The following GRINA variants were observed in gnomAD, a reference collection of about 807,000 sequenced individuals.
The protein encoded by GRINA is glutamate ionotropic receptor NMDA type subunit associated protein 1.
In GRINA, 26 loss-of-function variants were observed where a neutral mutation model predicts 42.5. The ratio of observed to expected loss-of-function variants is 0.61; its 90% confidence interval spans 0.45 to 0.85. GRINA has a LOEUF of 0.85. GRINA is among the 40% of genes least tolerant of loss of function. The pLI is 0.00. For missense variants in GRINA, 475 were observed against 481.5 expected (o/e 0.99, Z 0.13); for synonymous variants, 256 against 204.2 (o/e 1.25, Z -2.17).
Position 143,992,921 on chromosome 8 carries a change from C to G in GRINA, c.*80C>G, listed in dbSNP as rs1834125571. The G allele has an allele frequency of 8.2e-7, 1 of 1,217,150 alleles. No individual in the cohort carries two copies. Among genetic ancestry groups the G allele is most frequent in the African/African-American group, 1.5e-5 (1 of 66,990 alleles). 75.4% of individuals were successfully genotyped at this position (1,217,150 alleles called of 1,614,324 possible). A position where few individuals can be genotyped will look rare whatever the true frequency, so the allele number is the denominator to read the frequency against. On this transcript the variant is annotated 3_prime_UTR_variant, in exon 7 of 7. Transcript: ENST00000395068. The stretch of plus-strand genomic sequence containing the variant: ...CCCTGGCACGGCAGTGCCAGCTGTA[C>G]TTCCCCTCTCTCTTGTCCCCAGGCA...
intron 4 of GRINA, 61 bp downstream of exon 4, chr8:143,992,139 C>G: frequency 6.2e-7 from 1 of 1,602,298 alleles, no homozygotes; most frequent in Non-Finnish European, 8.5e-7. Flanking sequence ...CACGCCCACT[C>G]TTCCGGGCCT....
rs1164701597 is a variant in GRINA, at chr8:143,992,560, C to T, written c.918C>T (p.Arg306=). 1 of 1,614,082 alleles carries T rather than the reference C, an allele frequency of 6.2e-7. No homozygotes were observed. The highest frequency in any genetic ancestry group is 1.3e-5 in the African/African-American group (1 of 74,938). Residue 306 remains arginine (R), a synonymous_variant, in exon 6 of 7, where the codon CGC becomes CGT. Coordinates refer to ENST00000395068, the MANE Select transcript of GRINA (RefSeq NM_001009184.2). The part of the protein sequence containing the change: ...FAILCIFIRN[R]ILEIVYASLG... Reference sequence around the variant, plus strand: ...TTCTCTGCATCTTCATCCGGAACCGCATCCTGGAGATCGTGTACGCCTCAC... The same window carrying T: ...TTCTCTGCATCTTCATCCGGAACCGTATCCTGGAGATCGTGTACGCCTCAC...
intron 5 of GRINA, 22 bp from the exon 6 acceptor site, chr8:143,992,443 C>A (rs1386197722): frequency 4.3e-6 from 7 of 1,613,822 alleles, no homozygotes; most frequent in Admixed American, 1.7e-5. Flanking sequence ...AGCCCCATGG[C>A]CCGTTCCTCT....
Position 143,993,259 on chromosome 8 carries a change from C to T in GRINA, c.*418C>T. 4.2e-6 allele frequency: 1 copy of T among 236,730 alleles called. No homozygotes were observed. The highest frequency in any genetic ancestry group is 8.4e-6 in the Non-Finnish European group (1 of 118,586). The allele number at this position is 236,730 out of a possible 1,614,324, so 14.7% of individuals were successfully genotyped here. On this transcript the variant is annotated 3_prime_UTR_variant, in exon 7 of 7. Transcript: ENST00000395068. ...AGAGCACCCCTCCCCTCCCCCCCAC[C>T]CCCCTGGAGTGCTGCCCTCTGGGGA...
Position 143,992,599 on chromosome 8 carries a change from C to A in GRINA, c.957C>A (p.Leu319=). ...TGTACGCCTCACTGGGCGCTCTGCT[C>A]TTCACCTGCGTGAGTGAGGGGTGAC... The part of the protein sequence containing the change: ...EIVYASLGAL[L]FTCFLAVDTQ... Residue 319 remains leucine (L), a synonymous_variant, in exon 6 of 7, where the codon CTC becomes CTA. Transcript: ENST00000395068. The A allele has an allele frequency of 6.2e-7, 1 of 1,614,150 alleles. No homozygotes were observed. Among genetic ancestry groups the A allele is most frequent in the Non-Finnish European group, 8.5e-7 (1 of 1,180,024 alleles).
rs1294305300 is a variant in GRINA, at chr8:143,990,088, C to G, written c.-136C>G. ...CCCGCTGCGTCTTCCGAGCCGCAGG[C>G]GCAGGCCCAGCTGAGCGGCCGCCGA... On this transcript the variant is annotated 5_prime_UTR_variant, in exon 1 of 7. Transcript: ENST00000395068. This position sits in a 1 kb window ranked among gnomAD's most constrained non-coding sequence, Gnocchi z 5.6. The G allele has an allele frequency of 6.6e-6, 1 of 151,152 alleles. No individual in the cohort carries two copies. The highest frequency in any genetic ancestry group is 6.6e-5 in the Admixed American group (1 of 15,196). The allele number at this position is 151,152 out of a possible 1,614,324, so 9.4% of individuals were successfully genotyped here.
chr8:143,991,082 G>A (rs1554750339), intron 1 of GRINA, 118 bp from the exon 2 acceptor site: 2 of 597,416 alleles, frequency 3.3e-6, no homozygotes, highest in South Asian at 2.3e-5. Context: ...CGGGGCAAAG[G>A]TCACGGTCTT....
Position 143,990,971 on chromosome 8 carries a change from C to T in GRINA, c.-24-229C>T, listed in dbSNP as rs1370113156. On this transcript the variant is annotated intron_variant, in intron 1 of 6. Transcript: ENST00000395068. The surrounding 1 kb of genome is among the most constrained non-coding windows in gnomAD (Gnocchi z 5.6). ...GTCGTCCCCTCGCCCGGCCCCTCCC[C>T]CACCCTAAAGGCGGCCTAGAGCCCT... The T allele has an allele frequency of 6.8e-6, 2 of 296,258 alleles. No individual in the cohort carries two copies. Among genetic ancestry groups the T allele is most frequent in the African/African-American group, 4.4e-5 (2 of 45,920 alleles). The allele number at this position is 296,258 out of a possible 1,614,324, so 18.4% of individuals were successfully genotyped here.
In GRINA at chr8:143,992,010, A is replaced by T. The variant is rs781934309; in HGVS notation, c.625A>T (p.Ile209Phe). 1.4e-5 allele frequency: 23 copies of T among 1,613,746 alleles called. No homozygotes were observed. Among genetic ancestry groups the T allele is most frequent in the Non-Finnish European group, 1.9e-5 (22 of 1,179,932 alleles). ...TYYVSYAVFFISLIVLSCCGD... is the reference protein window; with the variant it reads ...TYYVSYAVFFFSLIVLSCCGD... ...CTATGTCTCCTATGCTGTCTTCTTCATCTCTCTCATCGTCCTCAGCTGTTG... is the reference window on the plus strand; with the variant it reads ...CTATGTCTCCTATGCTGTCTTCTTCTTCTCTCTCATCGTCCTCAGCTGTTG... The change falls in exon 4 of 7, where the codon ATC becomes TTC. Residue 209 changes from isoleucine (I) to phenylalanine (F), a missense_variant. Around this residue, in one of 2 missense-constraint regions of GRINA, gnomAD observed 321 missense variants for 267.2 expected, o/e 1.20. Transcript: ENST00000395068.
chr8:143,993,192 G>A lies in GRINA; in HGVS notation c.*351G>A. On this transcript the variant is annotated 3_prime_UTR_variant, in exon 7 of 7. Transcript: ENST00000395068. Reference sequence around the variant, plus strand: ...GAGAGGGATTGAGCCAAGAGGTGAGGGTGCACGTCTTCCCTCCTGTCCCAG... The same window carrying A: ...GAGAGGGATTGAGCCAAGAGGTGAGAGTGCACGTCTTCCCTCCTGTCCCAG... The A allele has an allele frequency of 3.4e-6, 1 of 298,066 alleles. No individual in the cohort carries two copies. Among genetic ancestry groups the A allele is most frequent in the Non-Finnish European group, 6.5e-6 (1 of 154,612 alleles). 18.5% of individuals were successfully genotyped at this position (298,066 alleles called of 1,614,324 possible).
Position 143,992,383 on chromosome 8 carries a change from C to G in GRINA, c.822+10C>G. 2 of 1,607,396 alleles carry G rather than the reference C, an allele frequency of 1.2e-6. No individual in the cohort carries two copies. The highest frequency in any genetic ancestry group is 1.7e-6 in the Non-Finnish European group (2 of 1,175,190). ...CATCTTCTCCATGCAGGTGAGGGGC[C>G]TCCCGTGGCTGGGCTGTGGCCGCAG... On this transcript the variant is annotated intron_variant, in intron 5 of 6. Transcript: ENST00000395068.
chr8:143,992,382 C>T lies in GRINA; in HGVS notation c.822+9C>T, dbSNP rs782197301. On this transcript the variant is annotated intron_variant, in intron 5 of 6. Transcript: ENST00000395068. ...TCATCTTCTCCATGCAGGTGAGGGG[C>T]CTCCCGTGGCTGGGCTGTGGCCGCA... 1.2e-6 allele frequency: 2 copies of T among 1,606,698 alleles called. No homozygotes were observed. Among genetic ancestry groups the T allele is most frequent in the Non-Finnish European group, 1.7e-6 (2 of 1,174,862 alleles).
At position 143,992,978 on chromosome 8, in the gene GRINA, C is replaced by A; in HGVS notation, c.*137C>A. The A allele has an allele frequency of 5.7e-6, 4 of 707,854 alleles. No homozygotes were observed. The highest frequency in any genetic ancestry group is 9.4e-6 in the Non-Finnish European group (4 of 425,206). The allele number at this position is 707,854 out of a possible 1,614,324, so 43.8% of individuals were successfully genotyped here. A position where few individuals can be genotyped will look rare whatever the true frequency, so the allele number is the denominator to read the frequency against. On this transcript the variant is annotated 3_prime_UTR_variant, in exon 7 of 7. Coordinates refer to ENST00000395068, the MANE Select transcript of GRINA (RefSeq NM_001009184.2). ...AGGGAAAAGGATGCCTCTCTCCAAC[C>A]CTCCTGTATGTACACTGCAGATACT...
rs1224800336 is a variant in GRINA at position 143,992,188 on chromosome 8, C to CGGCAGGGGT, written c.694-52_694-44dup. 3.7e-6 allele frequency: 6 copies of CGGCAGGGGT among 1,600,176 alleles called. No homozygotes were observed. The South Asian group carries it at 4.5e-5, about 12-fold the overall frequency. On this transcript the variant is annotated intron_variant, in intron 4 of 6. Coordinates refer to ENST00000395068, the MANE Select transcript of GRINA (RefSeq NM_001009184.2). ...CTCCTTGTGCTCATGAGGCAGGGGC[C>CGGCAGGGGT]GGCAGGGGTGGCATGGGGGCACACA...
In GRINA at chr8:143,991,896, T is replaced by C. The variant is rs1554750571; in HGVS notation, c.511T>C (p.Leu171=). 6.2e-7 allele frequency: 1 copy of C among 1,612,066 alleles called. No homozygotes were observed. The highest frequency in any genetic ancestry group is 8.5e-7 in the Non-Finnish European group (1 of 1,178,772). ...FIRKVFLVLT[L]QLSVTLSTVS... is the part of the protein sequence containing the mutation. ...TCCCCAGGTGTTCCTAGTGCTGACC[T>C]TGCAGCTGTCGGTGACCCTGTCCAC... The change falls in exon 4 of 7, where the codon TTG becomes CTG. Residue 171 remains leucine, a synonymous_variant. Coordinates refer to ENST00000395068, the MANE Select transcript of GRINA (RefSeq NM_001009184.2).
chr8:143,991,306 C>T lies in GRINA; in HGVS notation c.83C>T (p.Pro28Leu). 7.0e-7 allele frequency: 1 copy of T among 1,421,010 alleles called. No homozygotes were observed. The highest frequency in any genetic ancestry group is 9.6e-7 in the Non-Finnish European group (1 of 1,044,512). 88.0% of individuals were successfully genotyped at this position (1,421,010 alleles called of 1,614,324 possible). A position where few individuals can be genotyped will look rare whatever the true frequency, so the allele number is the denominator to read the frequency against. Reference sequence around the variant, plus strand: ...GGATATCCGGGGGGGCCCCAGCCACCCATGCCCCCCTATGCTCAGCCTCCC... The same window carrying T: ...GGATATCCGGGGGGGCCCCAGCCACTCATGCCCCCCTATGCTCAGCCTCCC... The part of the protein sequence containing the change: ...NPGYPGGPQP[P>L]MPPYAQPPYP... Residue 28 changes from proline (P) to leucine (L), a missense_variant, in exon 2 of 7, where the codon CCC (proline) becomes CTC (leucine). By Grantham distance (98) the Pro-to-Leu change is moderately conservative. This residue lies in a region of GRINA where 321 missense variants were observed against 267.2 expected (regional missense o/e 1.20). Transcript: ENST00000395068.
rs985502636 is a variant in GRINA at position 143,993,258 on chromosome 8, C to T, written c.*417C>T. ...TAGAGCACCCCTCCCCTCCCCCCCA[C>T]CCCCCTGGAGTGCTGCCCTCTGGGG... On this transcript the variant is annotated 3_prime_UTR_variant, in exon 7 of 7. Transcript: ENST00000395068. 4.2e-6 allele frequency: 1 copy of T among 238,768 alleles called. No homozygotes were observed. Among genetic ancestry groups the T allele is most frequent in the Admixed American group, 5.2e-5 (1 of 19,400 alleles). 14.8% of individuals were successfully genotyped at this position (238,768 alleles called of 1,614,324 possible). A position where few individuals can be genotyped will look rare whatever the true frequency, so the allele number is the denominator to read the frequency against.
At position 143,992,063 on chromosome 8, in the gene GRINA, G is replaced by C. The variant is rs1834107897; in HGVS notation, c.678G>C (p.Trp226Cys). The C allele has an allele frequency of 6.2e-7, 1 of 1,613,796 alleles. No homozygotes were observed. The highest frequency in any genetic ancestry group is 1.7e-5 in the Admixed American group (1 of 60,006). Residue 226 changes from tryptophan to cysteine, a missense_variant, in exon 4 of 7, where the codon TGG (tryptophan) becomes TGC (cysteine). Physicochemically the swap from Trp to Cys is radical, Grantham distance 215 (BLOSUM62 -2). Around this residue, in one of 2 missense-constraint regions of GRINA, gnomAD observed 154 missense variants for 214.2 expected, o/e 0.72. Coordinates refer to ENST00000395068, the MANE Select transcript of GRINA (RefSeq NM_001009184.2). ...GGGACTTCCGGCGAAAGCACCCCTG[G>C]AACCTTGTTGCACTGGTAACCCCCA... ...CCGDFRRKHP[W>C]NLVALSVLTA...
In GRINA at chr8:143,991,378, A is replaced by C. The variant is rs782775051; in HGVS notation, c.155A>C (p.Tyr52Ser). The stretch of plus-strand genomic sequence containing the variant: ...CAGCCCCCTTTCCAGCCCTCCCCCT[A>C]CGGTCAGCCAGGGTACCCCCATGGC... ...YPQPPFQPSP[Y>S]GQPGYPHGPS... Residue 52 changes from tyrosine (Y) to serine (S), a missense_variant, in exon 2 of 7, where the codon TAC (tyrosine) becomes TCC (serine). Tyr to Ser is a moderately radical substitution (Grantham distance 144, BLOSUM62 -2). Transcript: ENST00000395068. 1.8e-6 allele frequency: 2 copies of C among 1,120,140 alleles called. No homozygotes were observed. Among genetic ancestry groups the C allele is most frequent in the Non-Finnish European group, 2.5e-6 (2 of 810,092 alleles). 69.4% of individuals were successfully genotyped at this position (1,120,140 alleles called of 1,614,324 possible).
Sources: gnomAD v4.1 joint callset for allele counts on GRCh38, gnomAD v4.1.1 for gene constraint, gnomAD v4.1.1 regional missense constraint, Gnocchi (gnomAD v3.1) non-coding constraint, MANE v1.5 for transcripts, NCBI Gene and HGNC (gene_info 2026-07-23, HGNC 2026-07-21) for gene names.